Variants in ADCY9 observed in about 807,000 individuals in gnomAD.
ADCY9 encodes adenylate cyclase 9.
Under a neutral mutation model 101.5 loss-of-function variants are expected in ADCY9, and 50 were observed. That is an observed-to-expected ratio of 0.49 (90% CI 0.39 to 0.62). The LOEUF (loss-of-function observed/expected upper bound fraction) is 0.62, where lower values mean the gene tolerates loss of function less well. Among genes scored for constraint, ADCY9 ranks in the 20% least tolerant of loss-of-function variants. The probability of loss-of-function intolerance (pLI) is 0.00; values close to 1 mark genes in which losing one functional copy is unlikely to be tolerated. For synonymous variants in ADCY9, 905 were observed against 769.3 expected (o/e 1.18, Z -2.92); for missense variants, 1,662 against 1,800.4 (o/e 0.92, Z 1.39).
At chr16:4,056,537 A>G (rs1281304183) in intron 2 of ADCY9, among the ~76,000 whole-genome samples, 6 of 152,214 alleles carry the variant, frequency 3.9e-5, no homozygotes, top group Non-Finnish European at 1.5e-5. Context: ...TACAGCCGTG[A>G]GCCACCACAC....
At chr16:4,027,636 G>A (rs1296309339) in intron 2 of ADCY9, among the ~76,000 whole-genome samples, 1 of 152,144 alleles carries the variant, frequency 6.6e-6, no homozygotes, top group Non-Finnish European at 1.5e-5. Context: ...CAGCACTGTG[G>A]GAGGCCGAGG....
At chr16:4,094,895 G>C (rs1482555779) in intron 2 of ADCY9, among the ~76,000 whole-genome samples, 1 of 151,884 alleles carries the variant, frequency 6.6e-6, no homozygotes, top group Non-Finnish European at 1.5e-5. Flanking sequence ...ATCCACATCA[G>C]GGATTTTAAG....
chr16:4,023,750 T>C (rs974003482), intron 2 of ADCY9, among the ~76,000 whole-genome samples: 2 of 152,080 alleles, frequency 1.3e-5, no homozygotes, highest in African/African-American at 4.8e-5. Context: ...CCGTGTCTAC[T>C]AAAAATACAA....
chr16:4,003,865 C>T (rs1157116451), intron 3 of ADCY9, among the ~76,000 whole-genome samples: 2 of 152,100 alleles, frequency 1.3e-5, no homozygotes, highest in African/African-American at 4.8e-5. Context: ...TCCTTGGTTT[C>T]CTTCTTGACC....
chr16:4,029,422 G>A (rs576033274), intron 2 of ADCY9, among the ~76,000 whole-genome samples: 6 of 152,216 alleles, frequency 3.9e-5, no homozygotes, highest in Non-Finnish European at 7.4e-5. Context: ...ACTGACAAAG[G>A]GCTGGTAGCC....
rs545217958 is a variant in ADCY9 at position 3,982,740 on chromosome 16, C to T, written c.2519+492G>A. On this transcript the variant is annotated intron_variant, in intron 7 of 10. Coordinates refer to ENST00000294016, the MANE Select transcript of ADCY9 (RefSeq NM_001116.4). ...TCTTTCTTGATGGTGTTCTTTGTAG[C>T]GCAACAGCTTAACTTCTGAGGAAGT... 2.0e-4 allele frequency: 32 copies of T among 159,192 alleles called. No homozygotes were observed. The South Asian group carries it at 4.7e-3, about 23-fold the overall frequency. The allele number at this position is 159,192 out of a possible 1,614,324, so 9.9% of individuals were successfully genotyped here.
intron 3 of ADCY9, among the ~76,000 whole-genome samples, chr16:4,003,219 C>T (rs1481031269): frequency 2.0e-5 from 3 of 152,198 alleles, no homozygotes; most frequent in Non-Finnish European, 4.4e-5. Context: ...ATCCAACCCA[C>T]AGCAATGCTC....
intron 2 of ADCY9, among the ~76,000 whole-genome samples, chr16:4,043,724 ATTC>A (rs1480764582): frequency 1.3e-5 from 2 of 152,120 alleles, no homozygotes; most frequent in East Asian, 3.9e-4. Flanking sequence ...GGAGTCTTTT[ATTC>A]TTTGCCTAGA....
At chr16:4,107,726 C>G (rs2141206458) in intron 2 of ADCY9, among the ~76,000 whole-genome samples, 1 of 152,178 alleles carries the variant, frequency 6.6e-6, no homozygotes, top group East Asian at 1.9e-4. Flanking sequence ...CAACTGAACC[C>G]CAAACCAACA....
intron 2 of ADCY9, among the ~76,000 whole-genome samples, chr16:4,050,439 C>T (rs935856748): frequency 3.9e-5 from 6 of 151,908 alleles, no homozygotes; most frequent in African/African-American, 9.7e-5. Context: ...CTATGCCAGG[C>T]GCGGTGGCTC....
At chr16:4,045,869 C>CTTTTTTTTTTT (rs56804050) in intron 2 of ADCY9, among the ~76,000 whole-genome samples, 3 of 78,910 alleles carry the variant, frequency 3.8e-5, no homozygotes, top group Admixed American at 1.5e-4. Flanking sequence ...TTTTTTCTTT[C>CTTTTTTTTTTT]TTTTTTTTTT....
At chr16:4,007,945 C>A (rs747087401) in intron 2 of ADCY9, among the ~76,000 whole-genome samples, 1 of 152,200 alleles carries the variant, frequency 6.6e-6, no homozygotes, top group Non-Finnish European at 1.5e-5. Context: ...GAATACCAGT[C>A]CAGTGAGTAC....
chr16:3,978,269 A>T (rs1372863487), intron 8 of ADCY9, among the ~76,000 whole-genome samples: 4 of 152,126 alleles, frequency 2.6e-5, no homozygotes, highest in African/African-American at 9.7e-5. Flanking sequence ...GTTTCCTTCA[A>T]AACACTTTTC....
In ADCY9 at chr16:3,976,276, A is replaced by G. The variant is rs535359850; in HGVS notation, c.2828+1206T>C. On this transcript the variant is annotated intron_variant, in intron 9 of 10. Transcript: ENST00000294016. ...CAAAAGTGGTAGGATTACAGGCGTG[A>G]GCACCAAGACCGGCTGGGACTTATT... Among the ~76,000 whole-genome samples, 192 of 152,334 alleles carry G rather than the reference A, an allele frequency of 1.3e-3. 1 individual carries two copies. Among genetic ancestry groups the G allele is most frequent in the African/African-American group, 4.5e-3 (187 of 41,570 alleles).
downstream of ADCY9, among the ~76,000 whole-genome samples, chr16:3,962,123 G>A (rs888820238): frequency 9.9e-5 from 15 of 152,126 alleles, no homozygotes; most frequent in Admixed American, 2.6e-4. Context: ...CCTCAGATGC[G>A]GGAGTGTGGT....
intron 9 of ADCY9, 108 bp from the exon 10 acceptor site, chr16:3,974,818 G>GA: frequency 1.1e-6 from 1 of 881,220 alleles, no homozygotes; most frequent in Non-Finnish European, 1.9e-6. Flanking sequence ...AGACGTGGTT[G>GA]TACATCCACA....
intron 2 of ADCY9, among the ~76,000 whole-genome samples, chr16:4,037,430 A>G (rs959584010): frequency 6.6e-6 from 1 of 152,136 alleles, no homozygotes; most frequent in Non-Finnish European, 1.5e-5. Flanking sequence ...CCCACTGCAT[A>G]TACATATACC....
intron 2 of ADCY9, among the ~76,000 whole-genome samples, chr16:4,050,767 G>A (rs1036557466): frequency 6.8e-6 from 1 of 147,874 alleles, no homozygotes. Context: ...AGAAGTCCTT[G>A]TAGCCGTAAT....
intron 2 of ADCY9, among the ~76,000 whole-genome samples, chr16:4,100,176 ACT>A (rs892007575): frequency 1.3e-5 from 2 of 150,170 alleles, no homozygotes; most frequent in Admixed American, 1.3e-4. Context: ...TCTCTCTCTC[ACT>A]CTCTCTCTCT....
Sources: allele counts gnomAD v4.1 joint callset (sites outside exome capture counted in the v4.1 genomes callset), GRCh38; gene constraint gnomAD v4.1.1; transcripts MANE v1.5; gene names NCBI Gene and HGNC (gene_info 2026-07-23, HGNC 2026-07-21).